FGGY: variants seen among roughly 807,000 people sequenced by gnomAD.
FGGY encodes the protein FGGY carbohydrate kinase domain containing.
FGGY carries 72 observed loss-of-function variants against 71.3 expected under a neutral mutation model. The observed-to-expected ratio is 1.01, with a 90% CI of 0.84 to 1.23. The LOEUF (loss-of-function observed/expected upper bound fraction) is 1.23, where lower values mean the gene tolerates loss of function less well. Ranked by LOEUF, FGGY falls within the 50% of genes most tolerant of loss-of-function variation. The pLI, the probability that FGGY is intolerant of heterozygous loss-of-function variation, is 0.00. For missense variants in FGGY, 668 were observed against 682.3 expected (o/e 0.98, Z 0.23); for synonymous variants, 251 against 250.3 (o/e 1.00, Z -0.02).
chr1:59,442,592 AT>A (rs1248976384), intron 5 of FGGY, among the ~76,000 whole-genome samples: 9 of 152,134 alleles, frequency 5.9e-5, no homozygotes, highest in Admixed American at 4.6e-4. Context: ...TGTGTGGAAA[AT>A]CTTAATCTGA....
At chr1:59,296,815 C>T (rs993167304), upstream of FGGY, 3 of 152,678 alleles carry the variant, frequency 2.0e-5, no homozygotes, top group African/African-American at 7.2e-5. Flanking sequence ...CTGTAGCCGC[C>T]CCGGGACCGC....
chr1:59,551,724 C>T (rs1354603963), intron 7 of FGGY, among the ~76,000 whole-genome samples: 1 of 152,090 alleles, frequency 6.6e-6, no homozygotes, highest in East Asian at 1.9e-4. Flanking sequence ...GGTGAAGTTA[C>T]TACTCATTTC....
intron 14 of FGGY, among the ~76,000 whole-genome samples, chr1:59,746,473 CT>C (rs1403957376): frequency 3.3e-5 from 5 of 151,880 alleles, no homozygotes; most frequent in African/African-American, 1.2e-4. Flanking sequence ...TCCAATAGGC[CT>C]ATAAAATAGG....
chr1:59,620,681 A>G (rs116145597), intron 9 of FGGY, among the ~76,000 whole-genome samples: 119 of 151,978 alleles, frequency 7.8e-4, no homozygotes, highest in African/African-American at 2.8e-3. Flanking sequence ...ATCTTTTTGC[A>G]TTATTTTTTA....
At chr1:59,595,671 C>T (rs1242234091) in intron 8 of FGGY, among the ~76,000 whole-genome samples, 2 of 152,100 alleles carry the variant, frequency 1.3e-5, no homozygotes, top group African/African-American at 2.4e-5. Context: ...GCCTGGGTGA[C>T]AGAGTGAGAC....
At chr1:59,697,845 A>G (rs1558832865) in intron 14 of FGGY, 2 of 536,886 alleles carry the variant, frequency 3.7e-6, no homozygotes, top group Non-Finnish European at 5.7e-6. Flanking sequence ...CAGAGAAGCA[A>G]TGAGAGTTGA....
At chr1:59,587,317 A>G (rs2153776764) in intron 8 of FGGY, among the ~76,000 whole-genome samples, 1 of 152,184 alleles carries the variant, frequency 6.6e-6, no homozygotes, top group South Asian at 2.1e-4. Context: ...GGAGCCCACC[A>G]CAGCTCAAGG....
chr1:59,631,880 T>A (rs945597195), intron 10 of FGGY, among the ~76,000 whole-genome samples: 2 of 152,230 alleles, frequency 1.3e-5, no homozygotes, highest in African/African-American at 2.4e-5. Flanking sequence ...TTTCACTCTT[T>A]AGCAGAGATC....
At chr1:59,531,831 A>T (rs570701437) in intron 7 of FGGY, among the ~76,000 whole-genome samples, 10 of 152,352 alleles carry the variant, frequency 6.6e-5, no homozygotes, top group African/African-American at 2.2e-4. Flanking sequence ...CAAAGGCCAA[A>T]GCCTGGGTTT....
At chr1:59,494,526 G>C (rs772856647) in intron 6 of FGGY, among the ~76,000 whole-genome samples, 1 of 152,212 alleles carries the variant, frequency 6.6e-6, no homozygotes, top group Non-Finnish European at 1.5e-5. Context: ...AACCTTGTGA[G>C]CCTTGGAGTA....
Position 59,693,796 on chromosome 1 carries a change from TAG to T in FGGY, c.1512+19664_1512+19665del, listed in dbSNP as rs111916614. Among the ~76,000 whole-genome samples, 151 of 151,280 alleles carry T rather than the reference TAG, an allele frequency of 1.0e-3. 1 individual carries two copies. Among genetic ancestry groups the T allele is most frequent in the African/African-American group, 3.6e-3 (147 of 41,182 alleles). On this transcript the variant is annotated intron_variant, in intron 14 of 15. Coordinates refer to ENST00000303721, the MANE Select transcript of FGGY (RefSeq NM_018291.5). ...CTGAGGCCAGTGAATCCCTTGAGCC[TAG>T]GAGTTTGAGACCAGCCTGGGCAACA... is the stretch of plus-strand genomic sequence containing the variant.
intron 4 of FGGY, among the ~76,000 whole-genome samples, chr1:59,368,924 G>A (rs114918131): frequency 7.9e-5 from 12 of 152,092 alleles, no homozygotes; most frequent in African/African-American, 1.2e-4. Flanking sequence ...GCCCTGTCTC[G>A]GGGAGGAGCC....
intron 8 of FGGY, among the ~76,000 whole-genome samples, chr1:59,592,085 A>T (rs900808461): frequency 5.9e-5 from 9 of 152,202 alleles, no homozygotes; most frequent in Non-Finnish European, 1.2e-4. Flanking sequence ...ACTCAAACAA[A>T]TTTACAAGAA....
At chr1:59,374,346 A>G (rs2058269320) in intron 4 of FGGY, among the ~76,000 whole-genome samples, 2 of 152,320 alleles carry the variant, frequency 1.3e-5, no homozygotes, top group South Asian at 2.1e-4. Context: ...AATCAAAACC[A>G]CAATGAGATA....
At chr1:59,652,700 G>T (rs1336186826) in intron 11 of FGGY, among the ~76,000 whole-genome samples, 1 of 148,528 alleles carries the variant, frequency 6.7e-6, no homozygotes, top group African/African-American at 2.5e-5. Context: ...TGGTTTGAAT[G>T]TCCTCCCGTA....
chr1:59,643,080 T>C (rs1228555640), intron 11 of FGGY, among the ~76,000 whole-genome samples: 1 of 141,598 alleles, frequency 7.1e-6, no homozygotes, highest in South Asian at 2.3e-4. Context: ...AAGAAAAAAA[T>C]ACCATTGTGA....
At chr1:59,296,699 A>G (rs564670469), upstream of FGGY, 1,971 of 147,314 alleles carry the variant, frequency 0.013, 76 homozygotes, top group African/African-American at 0.047. Flanking sequence ...CGCGCTTTAC[A>G]GGGGCCGCGC....
chr1:59,549,640 G>A lies in FGGY; in HGVS notation c.800-4484G>A, dbSNP rs181143302. 6.0e-4 allele frequency among the ~76,000 whole-genome samples: 92 copies of A among 152,340 alleles called. 1 individual carries two copies. The East Asian group carries it at 0.015, about 25-fold the overall frequency. ...ATAAAGTACTTTATATGGCTATAAA[G>A]TGGGAGATAATTATAACACAAATGC... On this transcript the variant is annotated intron_variant, in intron 7 of 15. Transcript: ENST00000303721.
At chr1:59,297,853 G>T (rs963936414) in intron 1 of FGGY, among the ~76,000 whole-genome samples, 3 of 151,872 alleles carry the variant, frequency 2.0e-5, no homozygotes, top group African/African-American at 7.3e-5. Context: ...GCAAAATGGT[G>T]AATTTCCCTC....
Sources: gnomAD v4.1 joint callset for allele counts (sites outside exome capture counted in the v4.1 genomes callset) on GRCh38, gnomAD v4.1.1 for gene constraint, MANE v1.5 for transcripts, NCBI Gene and HGNC (gene_info 2026-07-23, HGNC 2026-07-21) for gene names.